MAP7D3: variants seen among roughly 807,000 people sequenced by gnomAD.
MAP7D3 encodes the protein MAP7 domain-containing protein 3.
MAP7D3 carries 45 observed loss-of-function variants against 62.2 expected under a neutral mutation model. That is an observed-to-expected ratio of 0.72 (90% CI 0.57 to 0.93). The LOEUF is 0.93. MAP7D3 is among the 40% of genes least tolerant of loss of function. The pLI, the probability that MAP7D3 is intolerant of heterozygous loss-of-function variation, is 0.00. For synonymous variants in MAP7D3, 288 were observed against 248.8 expected (o/e 1.16, Z -1.48); for missense variants, 711 against 683.1 (o/e 1.04, Z -0.45).
chrX:136,224,738 T>C, intron 14 of MAP7D3, 89 bp downstream of exon 14: 1 of 574,309 alleles, frequency 1.7e-6, no homozygotes, highest in East Asian at 3.6e-5. Flanking sequence ...TTTATTTCAT[T>C]ACCACCAGAT....
chrX:136,215,780 C>T (rs1020259686), downstream of MAP7D3, among the ~76,000 whole-genome samples: 2 of 111,837 alleles, frequency 1.8e-5, no homozygotes, highest in African/African-American at 6.5e-5. Flanking sequence ...TTGCCACTCA[C>T]AGTAACAGTG....
chrX:136,234,982 A>G (rs1463477358), intron 7 of MAP7D3, among the ~76,000 whole-genome samples: 1 of 112,199 alleles, frequency 8.9e-6, no homozygotes, highest in African/African-American at 3.2e-5. Context: ...CAGTCATCTG[A>G]CTGGACTGCA....
intron 8 of MAP7D3, chrX:136,231,269 T>A (rs1349566717): frequency 3.0e-6 from 1 of 333,396 alleles, no homozygotes; most frequent in Non-Finnish European, 5.1e-6. Context: ...AAAAAACATT[T>A]CTTCAGAGTT....
intron 4 of MAP7D3, 23 bp downstream of exon 4, chrX:136,244,609 G>A (rs1485959014): frequency 8.4e-7 from 1 of 1,194,770 alleles, no homozygotes; most frequent in Non-Finnish European, 1.1e-6. Flanking sequence ...ATCCTCTCAT[G>A]CACAGGCTGC....
chrX:136,216,006 T>G (rs778198326), downstream of MAP7D3, among the ~76,000 whole-genome samples: 25 of 111,463 alleles, frequency 2.2e-4, no homozygotes, highest in African/African-American at 8.2e-4. Flanking sequence ...CACAGCCTTG[T>G]GAATATACAC....
intron 14 of MAP7D3, among the ~76,000 whole-genome samples, chrX:136,224,231 T>A (rs2074166179): frequency 9.3e-6 from 1 of 107,844 alleles, no homozygotes; most frequent in Admixed American, 1.0e-4. Context: ...TGAAACCCTG[T>A]CTCTAATAGT....
chrX:136,256,344 T>A, upstream of MAP7D3: 1 of 1,154,581 alleles, frequency 8.7e-7, no homozygotes, highest in Non-Finnish European at 1.1e-6. Flanking sequence ...ATGGCAGCCT[T>A]CTCAGCTCTG....
Position 136,251,177 on chromosome X carries a change from C to G in MAP7D3, c.70+112G>C. ...GAGGACCAGATAGCACGAGGCGACT[C>G]CAGGGAAAAGTTTTGTGGCGCCCGC... On this transcript the variant is annotated intron_variant, in intron 1 of 18. Transcript: ENST00000316077. The G allele has an allele frequency of 1.9e-5, 12 of 628,600 alleles. No homozygotes were observed. In the South Asian group the frequency reaches 3.5e-4, roughly 19 times the overall value. The allele number at this position is 628,600 out of a possible 1,213,427, so 51.8% of individuals were successfully genotyped here.
At position 136,248,019 on chromosome X, in the gene MAP7D3, C is replaced by T. The variant is rs775134583; in HGVS notation, c.71-1678G>A. 8.1e-5 allele frequency among the ~76,000 whole-genome samples: 9 copies of T among 111,321 alleles called. No homozygotes were observed. The East Asian group carries it at 2.5e-3, about 31-fold the overall frequency. Reference sequence around the variant, plus strand: ...ATCACTTGAGGTCAGGAGTTTGGAACCAGCCTGGCCAACATGGCAAACTCC... The same window carrying T: ...ATCACTTGAGGTCAGGAGTTTGGAATCAGCCTGGCCAACATGGCAAACTCC... On this transcript the variant is annotated intron_variant, in intron 1 of 18. Coordinates refer to ENST00000316077, the MANE Select transcript of MAP7D3 (RefSeq NM_024597.4).
chrX:136,231,080 C>A (rs2148407586), intron 8 of MAP7D3, 114 bp from the exon 9 acceptor site: 2 of 493,565 alleles, frequency 4.1e-6, no homozygotes, highest in South Asian at 6.0e-5. Flanking sequence ...AATTAGAATT[C>A]TTTAAACTGC....
rs765996502 is a variant in MAP7D3, at chrX:136,220,967, G to C, written c.2288-4C>G. On this transcript the variant is annotated splice_region_variant and splice_polypyrimidine_tract_variant and intron_variant, in intron 15 of 18. Transcript: ENST00000316077. Reference sequence around the variant, plus strand: ...GAGCCTGTGCCATTTAGAATGGCTAGGAAAAAAAATTACACAATTAAATAT... The same window carrying C: ...GAGCCTGTGCCATTTAGAATGGCTACGAAAAAAAATTACACAATTAAATAT... The C allele has an allele frequency of 8.6e-7, 1 of 1,156,753 alleles. No individual in the cohort carries two copies. Among genetic ancestry groups the C allele is most frequent in the South Asian group, 1.8e-5 (1 of 54,058 alleles).
chrX:136,241,974 C>T (rs2074394817), intron 4 of MAP7D3, among the ~76,000 whole-genome samples: 1 of 111,439 alleles, frequency 9.0e-6, no homozygotes, highest in Non-Finnish European at 1.9e-5. Context: ...TGTACTGTGC[C>T]ATACCATGAA....
chrX:136,226,252 T>C (rs1448069818), intron 12 of MAP7D3, among the ~76,000 whole-genome samples: 5 of 111,486 alleles, frequency 4.5e-5, no homozygotes, highest in African/African-American at 1.6e-4. Flanking sequence ...GTCATTGTTA[T>C]GAACATCACA....
rs1247296860 is a variant in MAP7D3 at position 136,246,272 on chromosome X, G to T, written c.140C>A (p.Ser47Tyr). Residue 47 changes from serine to tyrosine, a missense_variant, in exon 2 of 19, where the codon TCC becomes TAC. Ser to Tyr is a moderately radical substitution (Grantham distance 144, BLOSUM62 -2). Transcript: ENST00000316077. Reference protein sequence around the residue: ...QDVVNRVATHSSNIRSTFKPV... With the variant: ...QDVVNRVATHYSNIRSTFKPV... ...TTTAAATGTCGATCTTATATTTGAG[G>T]AATGGGTTGCAACACGATTAACCAC... The T allele has an allele frequency of 8.3e-7, 1 of 1,202,541 alleles. No individual in the cohort carries two copies. The highest frequency in any genetic ancestry group is 1.8e-5 in the South Asian group (1 of 56,592).
upstream of MAP7D3, among the ~76,000 whole-genome samples, chrX:136,252,408 G>A (rs747498325): frequency 9.2e-6 from 1 of 108,499 alleles, no homozygotes; most frequent in East Asian, 2.8e-4. Flanking sequence ...CAGGCACGGT[G>A]GCTCATGCCT....
chrX:136,234,983 C>G (rs1468823261), intron 7 of MAP7D3, among the ~76,000 whole-genome samples: 1 of 112,135 alleles, frequency 8.9e-6, no homozygotes, highest in Non-Finnish European at 1.9e-5. Flanking sequence ...AGTCATCTGA[C>G]TGGACTGCAC....
chrX:136,239,154 G>A (rs1049570484), intron 6 of MAP7D3, among the ~76,000 whole-genome samples: 3 of 111,054 alleles, frequency 2.7e-5, no homozygotes, highest in Admixed American at 9.6e-5. Flanking sequence ...TTTTTGGATT[G>A]ATGGGTATAG....
chrX:136,255,986 T>C, upstream of MAP7D3: 1 of 620,459 alleles, frequency 1.6e-6, no homozygotes, highest in Non-Finnish European at 1.9e-6. Context: ...AGCTTACCAA[T>C]CTAGCGAATT....
intron 15 of MAP7D3, chrX:136,221,633 T>A (rs1218703777): frequency 1.8e-5 from 2 of 112,722 alleles, no homozygotes; most frequent in South Asian, 3.6e-4. Flanking sequence ...TCATCTTACC[T>A]CTAATATTAC....
Sources: allele counts gnomAD v4.1 joint callset (sites outside exome capture counted in the v4.1 genomes callset), GRCh38; gene constraint gnomAD v4.1.1; transcripts MANE v1.5; gene names NCBI Gene and HGNC (gene_info 2026-07-23, HGNC 2026-07-21).